Variants in TEKT1 observed in about 807,000 individuals in gnomAD.
TEKT1 encodes the protein tektin 1.
In TEKT1, 32 loss-of-function variants were observed where a neutral mutation model predicts 34.8. The ratio of observed to expected loss-of-function variants is 0.92; its 90% CI spans 0.69 to 1.23. The LOEUF is 1.23. Ranked by LOEUF, TEKT1 falls within the 50% of genes most tolerant of loss-of-function variation. The pLI is 0.00. For missense variants in TEKT1, 492 were observed against 518.5 expected (o/e 0.95, Z 0.50); for synonymous variants, 207 against 199.8 (o/e 1.04, Z -0.30).
Position 6,799,300 on chromosome 17 carries a change from A to G in TEKT1, c.*727T>C, listed in dbSNP as rs1976734633. 2 of 152,240 alleles carry G rather than the reference A, an allele frequency of 1.3e-5. No homozygotes were observed. The highest frequency in any genetic ancestry group is 4.8e-5 in the African/African-American group (2 of 41,462). 9.4% of individuals were successfully genotyped at this position (152,240 alleles called of 1,614,324 possible). A position where few individuals can be genotyped will look rare whatever the true frequency, so the allele number is the denominator to read the frequency against. Reference sequence around the variant, plus strand: ...AAAGGCTTGCAATAATTAGCAGTGAAGGAAAAAAATAATCCTGAAATTGAG... The same window carrying G: ...AAAGGCTTGCAATAATTAGCAGTGAGGGAAAAAAATAATCCTGAAATTGAG... On this transcript the variant is annotated 3_prime_UTR_variant, in exon 8 of 8. Transcript: ENST00000338694.
intron 2 of TEKT1, among the ~76,000 whole-genome samples, chr17:6,828,664 T>G (rs1904478014): frequency 6.6e-6 from 1 of 152,112 alleles, no homozygotes; most frequent in Non-Finnish European, 1.5e-5. Flanking sequence ...TGCCTTACAT[T>G]CAATCCCTAT....
chr17:6,819,585 T>A (rs1977058341), intron 2 of TEKT1, among the ~76,000 whole-genome samples: 1 of 152,234 alleles, frequency 6.6e-6, no homozygotes, highest in African/African-American at 2.4e-5. Flanking sequence ...CACCCACTAG[T>A]TCTTCAGTGC....
Position 6,815,934 on chromosome 17 carries a change from G to A in TEKT1, c.385C>T (p.His129Tyr). The A allele has an allele frequency of 6.2e-7, 1 of 1,614,104 alleles. No homozygotes were observed. Among genetic ancestry groups the A allele is most frequent in the Non-Finnish European group, 8.5e-7 (1 of 1,180,022 alleles). The stretch of plus-strand genomic sequence containing the variant: ...ATCAGCTCATGCTCCACTGTGTCGT[G>A]CACCAGGTCAATGCCAATGCGCTTC... The part of the protein sequence containing the change: ...REKRIGIDLV[H>Y]DTVEHELIKE... The change falls in exon 4 of 8, where the codon CAC becomes TAC. Residue 129 changes from histidine to tyrosine, a missense_variant. His to Tyr is a moderately conservative substitution (Grantham distance 83). Coordinates refer to ENST00000338694, the MANE Select transcript of TEKT1 (RefSeq NM_053285.2).
intron 6 of TEKT1, among the ~76,000 whole-genome samples, chr17:6,806,320 G>A (rs940706965): frequency 6.6e-6 from 1 of 151,822 alleles, no homozygotes; most frequent in Non-Finnish European, 1.5e-5. Flanking sequence ...CATTTGCTTG[G>A]TAGATCTTCT....
rs951974591 is a variant in TEKT1, at chr17:6,814,854, G to T, written c.629+309C>A. ...CTCTGTCTCAAAAAAAAAAGGGGGG[G>T]GGAAATTCACTTGCTCTTCCTACAT... On this transcript the variant is annotated intron_variant, in intron 5 of 7. Transcript: ENST00000338694. 10 of 236,074 alleles carry T rather than the reference G, an allele frequency of 4.2e-5. No homozygotes were observed. The South Asian group carries it at 5.0e-4, about 12-fold the overall frequency. The allele number at this position is 236,074 out of a possible 1,614,324, so 14.6% of individuals were successfully genotyped here.
In TEKT1 at chr17:6,800,169, A is replaced by G. The variant is rs1976749312; in HGVS notation, c.1115T>C (p.Leu372Pro). The change falls in exon 8 of 8, where the codon CTG becomes CCG. Residue 372 changes from leucine to proline, a missense_variant. By Grantham distance (98) the Leu-to-Pro change is moderately conservative. Transcript: ENST00000338694. ...LKGLHRRQLALQEEIQVKENT... is the reference protein window; with the variant it reads ...LKGLHRRQLAPQEEIQVKENT... ...CTCTTTGACCTGGATCTCCTCCTGC[A>G]GGGCAAGCTGTCTGCGATGCAGCCC... The G allele has an allele frequency of 6.2e-7, 1 of 1,614,214 alleles. No individual in the cohort carries two copies.
chr17:6,812,745 G>A (rs1227633747), intron 6 of TEKT1, 86 bp downstream of exon 6: 9 of 1,311,154 alleles, frequency 6.9e-6, no homozygotes, highest in African/African-American at 1.4e-5. Context: ...CAGAAGTCTA[G>A]CGGTCTGGCC....
chr17:6,820,104 TA>T (rs1220774933), intron 2 of TEKT1, among the ~76,000 whole-genome samples: 1 of 152,200 alleles, frequency 6.6e-6, no homozygotes, highest in Admixed American at 6.5e-5. Flanking sequence ...TCACACAACA[TA>T]CTTCCGTCTC....
At chr17:6,817,157 C>T (rs1977018272) in intron 3 of TEKT1, among the ~76,000 whole-genome samples, 1 of 152,124 alleles carries the variant, frequency 6.6e-6, no homozygotes, top group Non-Finnish European at 1.5e-5. Flanking sequence ...AGGTGGATCG[C>T]CTGAGGTCGG....
At chr17:6,824,957 C>A (rs1433211603) in intron 2 of TEKT1, among the ~76,000 whole-genome samples, 2 of 151,972 alleles carry the variant, frequency 1.3e-5, no homozygotes, top group African/African-American at 4.8e-5. Context: ...TTTCTATTTG[C>A]AAACCAATAA....
intron 6 of TEKT1, among the ~76,000 whole-genome samples, chr17:6,812,544 C>T (rs1220336944): frequency 6.6e-6 from 1 of 152,182 alleles, no homozygotes. Flanking sequence ...AAGCTGCAAC[C>T]AGCCCCTAAG....
At chr17:6,819,944 T>G (rs1977063091) in intron 2 of TEKT1, among the ~76,000 whole-genome samples, 2 of 152,200 alleles carry the variant, frequency 1.3e-5, no homozygotes, top group Admixed American at 1.3e-4. Context: ...TGCCTCGGCC[T>G]CCCAAAGTGC....
In TEKT1 at chr17:6,802,644, C is replaced by T. The variant is rs565909642; in HGVS notation, c.853-1701G>A. On this transcript the variant is annotated intron_variant, in intron 6 of 7. Transcript: ENST00000338694. The stretch of plus-strand genomic sequence containing the variant: ...CTATCCCTCCCCCCTCCCCCAACCC[C>T]ACAACAGGCCCTGGTGTGTGATGTT... Among the ~76,000 whole-genome samples, 83 of 148,552 alleles carry T rather than the reference C, an allele frequency of 5.6e-4. 1 individual carries two copies. In the South Asian group the frequency reaches 6.8e-3, roughly 12 times the overall value.
Position 6,799,908 on chromosome 17 carries a change from G to T in TEKT1, c.*119C>A. ...TCAGCCCCCTGAGCAGGCTTGGAAT[G>T]CCAGCCAAGAGGTTGCAGCAGGCTG... On this transcript the variant is annotated 3_prime_UTR_variant, in exon 8 of 8. Coordinates refer to ENST00000338694, the MANE Select transcript of TEKT1 (RefSeq NM_053285.2). 1.0e-6 allele frequency: 1 copy of T among 978,230 alleles called. No individual in the cohort carries two copies. Among genetic ancestry groups the T allele is most frequent in the Non-Finnish European group, 1.5e-6 (1 of 676,728 alleles). 60.6% of individuals were successfully genotyped at this position (978,230 alleles called of 1,614,324 possible).
At position 6,806,850 on chromosome 17, in the gene TEKT1, T is replaced by A. The variant is rs1976851702; in HGVS notation, c.853-5907A>T. Among the ~76,000 whole-genome samples, 5 of 152,356 alleles carry A rather than the reference T, an allele frequency of 3.3e-5. No homozygotes were observed. The South Asian group carries it at 1.0e-3, about 32-fold the overall frequency. ...GCTGAGAGATCAGCTGTTAGTCTGATGGGCTTCCCTTTGTGGGTAACCCAA... is the reference window on the plus strand; with the variant it reads ...GCTGAGAGATCAGCTGTTAGTCTGAAGGGCTTCCCTTTGTGGGTAACCCAA... On this transcript the variant is annotated intron_variant, in intron 6 of 7. Coordinates refer to ENST00000338694, the MANE Select transcript of TEKT1 (RefSeq NM_053285.2).
chr17:6,808,994 A>C (rs956528960), intron 6 of TEKT1, among the ~76,000 whole-genome samples: 1 of 152,182 alleles, frequency 6.6e-6, no homozygotes, highest in African/African-American at 2.4e-5. Context: ...TTTTTAAGTA[A>C]TAATCTTCAA....
chr17:6,802,684 C>T (rs1976792315), intron 6 of TEKT1, among the ~76,000 whole-genome samples: 1 of 150,064 alleles, frequency 6.7e-6, no homozygotes, highest in Admixed American at 6.7e-5. Flanking sequence ...TTCCTGTGTC[C>T]ATGTGTTCTC....
rs1597782860 is a variant in TEKT1, at chr17:6,798,178, G to A, written c.*1849C>T. On this transcript the variant is annotated 3_prime_UTR_variant, in exon 8 of 8. Transcript: ENST00000338694. ...CTAGGCTTTATTAGTCTTATTTACA[G>A]ATTAGGCAACTGAAGCTCGGGGAAG... is the stretch of plus-strand genomic sequence containing the variant. 1 of 152,328 alleles carries A rather than the reference G, an allele frequency of 6.6e-6. No homozygotes were observed. The highest frequency in any genetic ancestry group is 1.5e-5 in the Non-Finnish European group (1 of 68,054). 9.4% of individuals were successfully genotyped at this position (152,328 alleles called of 1,614,324 possible).
chr17:6,821,756 T>C (rs1180618168), intron 2 of TEKT1, among the ~76,000 whole-genome samples: 1 of 152,114 alleles, frequency 6.6e-6, no homozygotes, highest in Non-Finnish European at 1.5e-5. Flanking sequence ...GACAATGAAG[T>C]CCTGCTGAGG....
Sources: allele counts gnomAD v4.1 joint callset (sites outside exome capture counted in the v4.1 genomes callset), GRCh38; gene constraint gnomAD v4.1.1; transcripts MANE v1.5; gene names NCBI Gene and HGNC (gene_info 2026-07-23, HGNC 2026-07-21).